The following NCKIPSD variants were observed in gnomAD, a reference collection of about 807,000 sequenced individuals.
NCKIPSD encodes NCK interacting protein with SH3 domain.
In NCKIPSD, 48 loss-of-function variants were observed where a neutral mutation model predicts 73.4. The ratio of observed to expected loss-of-function variants is 0.65; its 90% CI spans 0.52 to 0.83. The LOEUF is 0.83. Among genes scored for constraint, NCKIPSD ranks in the 40% least tolerant of loss-of-function variants. NCKIPSD has a pLI of 0.00. For synonymous variants in NCKIPSD, 422 were observed against 403.6 expected (o/e 1.05, Z -0.54); for missense variants, 884 against 970.2 (o/e 0.91, Z 1.18).
At chr3:48,678,201 T>C (rs574729540) in intron 12 of NCKIPSD, among the ~76,000 whole-genome samples, 30 of 152,244 alleles carry the variant, frequency 2.0e-4, no homozygotes, top group African/African-American at 6.5e-4. Context: ...TGAGGCTGCT[T>C]CCTCCCTGGC....
chr3:48,682,723 G>A, intron 2 of NCKIPSD, 171 bp from the exon 3 acceptor site: 1 of 1,117,308 alleles, frequency 9.0e-7, no homozygotes, highest in South Asian at 1.5e-5. Flanking sequence ...CCTGCGCTCT[G>A]CACACCCCTG....
In NCKIPSD at chr3:48,681,713, G is replaced by A; in HGVS notation, c.666C>T (p.Ser222=). Residue 222 remains serine, a synonymous_variant, in exon 5 of 13, where the codon TCC becomes TCT. Coordinates refer to ENST00000294129, the MANE Select transcript of NCKIPSD (RefSeq NM_016453.4). Reference sequence around the variant, plus strand: ...TGGAGCTGGTATAGAGCGTGTCCAGGGAGGTGCTGCTGACTGAGGAGCCGC... The same window carrying A: ...TGGAGCTGGTATAGAGCGTGTCCAGAGAGGTGCTGCTGACTGAGGAGCCGC... ...VSSGSSVSST[S]LDTLYTSSSP... is the part of the protein sequence containing the mutation. 1 of 1,557,334 alleles carries A rather than the reference G, an allele frequency of 6.4e-7. No individual in the cohort carries two copies. Among genetic ancestry groups the A allele is most frequent in the Non-Finnish European group, 8.7e-7 (1 of 1,152,190 alleles).
In NCKIPSD at chr3:48,685,794, A is replaced by T; in HGVS notation, c.14T>A (p.Leu5Gln). 6.6e-7 allele frequency: 1 copy of T among 1,515,598 alleles called. No homozygotes were observed. The highest frequency in any genetic ancestry group is 2.6e-5 in the East Asian group (1 of 38,420). 93.9% of individuals were successfully genotyped at this position (1,515,598 alleles called of 1,614,324 possible). Reference protein sequence around the residue: MYRALYAFRSAEPNA... With the variant: MYRAQYAFRSAEPNA... ...GGGCTCCGCCGAGCGGAACGCGTACAGCGCGCGGTACATGAGGCCGGGCAG... is the reference window on the plus strand; with the variant it reads ...GGGCTCCGCCGAGCGGAACGCGTACTGCGCGCGGTACATGAGGCCGGGCAG... The change falls in exon 1 of 13, where the codon CTG (leucine) becomes CAG (glutamine). Residue 5 changes from leucine (L) to glutamine (Q), a missense_variant. Transcript: ENST00000294129.
At position 48,679,456 on chromosome 3, in the gene NCKIPSD, G is replaced by T; in HGVS notation, c.1491C>A (p.Asp497Glu). ...GGGCAGAGTAACAGAGTTTCTGGTG[G>T]TCTGGGGGGGACAAGGCAGGCAGTC... is the stretch of plus-strand genomic sequence containing the variant. ...LARDMQTDTQ[D>E]HQKLCYSALI... The change falls in exon 9 of 13, where the codon GAC becomes GAA. Residue 497 changes from aspartate to glutamate, a missense_variant and splice_region_variant. Transcript: ENST00000294129. 6.2e-7 allele frequency: 1 copy of T among 1,611,840 alleles called. No homozygotes were observed. Among genetic ancestry groups the T allele is most frequent in the Non-Finnish European group, 8.5e-7 (1 of 1,178,500 alleles).
intron 4 of NCKIPSD, 107 bp downstream of exon 4, chr3:48,681,938 C>G: frequency 1.3e-6 from 2 of 1,481,602 alleles, no homozygotes; most frequent in Non-Finnish European, 1.8e-6. Context: ...AAATGGGAGT[C>G]CTGTCCTCTT....
Position 48,673,895 on chromosome 3 carries a change from A to G in NCKIPSD, c.*649T>C. Reference sequence around the variant, plus strand: ...AAAGGAGAGCTACAGCACATAGGAAAATACACATGGCTTTTCAGTCTACAT... The same window carrying G: ...AAAGGAGAGCTACAGCACATAGGAAGATACACATGGCTTTTCAGTCTACAT... On this transcript the variant is annotated 3_prime_UTR_variant, in exon 13 of 13. Transcript: ENST00000294129. The G allele has an allele frequency of 9.5e-7, 1 of 1,056,658 alleles. No individual in the cohort carries two copies. The highest frequency in any genetic ancestry group is 1.1e-6 in the Non-Finnish European group (1 of 873,686). The allele number at this position is 1,056,658 out of a possible 1,614,324, so 65.5% of individuals were successfully genotyped here.
In NCKIPSD at chr3:48,685,813, C is replaced by CG; in HGVS notation, c.-7dup. 6.8e-7 allele frequency: 1 copy of CG among 1,475,386 alleles called. No individual in the cohort carries two copies. The highest frequency in any genetic ancestry group is 8.9e-7 in the Non-Finnish European group (1 of 1,122,610). The allele number at this position is 1,475,386 out of a possible 1,614,324, so 91.4% of individuals were successfully genotyped here. On this transcript the variant is annotated 5_prime_UTR_variant, in exon 1 of 13. Coordinates refer to ENST00000294129, the MANE Select transcript of NCKIPSD (RefSeq NM_016453.4). ...GCGTACAGCGCGCGGTACATGAGGC[C>CG]GGGCAGGGCAGGTGCAGGGAAGGTG...
At chr3:48,682,864 C>G in intron 2 of NCKIPSD, 39 bp downstream of exon 2, 1 of 1,530,936 alleles carries the variant, frequency 6.5e-7, no homozygotes, top group South Asian at 1.2e-5. Flanking sequence ...CCCCACCATG[C>G]TCACCGGGAG....
Position 48,679,136 on chromosome 3 carries a change from C to A in NCKIPSD, c.1618G>T (p.Asp540Tyr). The change falls in exon 10 of 13, where the codon GAT becomes TAT. Residue 540 changes from aspartate (D) to tyrosine (Y), a missense_variant. Transcript: ENST00000294129. Reference sequence around the variant, plus strand: ...TCTGTGGTGTCCAAGGGCAGCCCATCCTCGACGATGTTCAGTAGGAACTGG... The same window carrying A: ...TCTGTGGTGTCCAAGGGCAGCCCATACTCGACGATGTTCAGTAGGAACTGG... ...FAQFLLNIVE[D>Y]GLPLDTTEQL... 6.2e-7 allele frequency: 1 copy of A among 1,614,142 alleles called. No homozygotes were observed. The highest frequency in any genetic ancestry group is 8.5e-7 in the Non-Finnish European group (1 of 1,180,020).
At position 48,678,499 on chromosome 3, in the gene NCKIPSD, GC is replaced by G; in HGVS notation, c.1965+64del. 1.1e-5 allele frequency: 16 copies of G among 1,514,344 alleles called. 1 individual carries two copies. In the South Asian group the frequency reaches 2.1e-4, roughly 20 times the overall value. The allele number at this position is 1,514,344 out of a possible 1,614,324, so 93.8% of individuals were successfully genotyped here. ...CCCCCTCATCTCCACTCAATGTCAT[GC>G]CCCCCACCATTTTGTTTCAGTTTCC... On this transcript the variant is annotated intron_variant, in intron 12 of 12. Transcript: ENST00000294129.
Position 48,678,726 on chromosome 3 carries a change from C to T in NCKIPSD, c.1803G>A (p.Val601=), listed in dbSNP as rs1464048704. ...GCTGTGGCTCATGTTTGAAGATGCG[C>T]ACAGGGTCATCTAGGAGGCAGGGGT... ...LLLLNRGDDP[V]RIFKHEPQPP... is the part of the protein sequence containing the mutation. The change falls in exon 12 of 13, where the codon GTG becomes GTA. Residue 601 remains valine (V), a synonymous_variant. Coordinates refer to ENST00000294129, the MANE Select transcript of NCKIPSD (RefSeq NM_016453.4). The T allele has an allele frequency of 5.6e-6, 9 of 1,613,280 alleles. No individual in the cohort carries two copies. The highest frequency in any genetic ancestry group is 7.6e-6 in the Non-Finnish European group (9 of 1,179,642).
Position 48,678,979 on chromosome 3 carries a change from G to A in NCKIPSD, c.1700-10C>T. The A allele has an allele frequency of 6.2e-7, 1 of 1,614,126 alleles. No homozygotes were observed. Among genetic ancestry groups the A allele is most frequent in the Admixed American group, 1.7e-5 (1 of 60,018 alleles). On this transcript the variant is annotated splice_polypyrimidine_tract_variant and intron_variant, in intron 10 of 12. Coordinates refer to ENST00000294129, the MANE Select transcript of NCKIPSD (RefSeq NM_016453.4). ...ACATTCTGGTCAGCAGCTAAGGAAG[G>A]ACATGGGTATAGACAGGGTGCTGAG... is the stretch of plus-strand genomic sequence containing the variant.
At chr3:48,675,530 T>TG (rs1559489997) in intron 12 of NCKIPSD, among the ~76,000 whole-genome samples, 4 of 137,208 alleles carry the variant, frequency 2.9e-5, no homozygotes, top group Admixed American at 7.3e-5. Flanking sequence ...ATATATATGA[T>TG]ATATATATAT....
Position 48,682,216 on chromosome 3 carries a change from C to A in NCKIPSD, c.487-60G>T, listed in dbSNP as rs545348956. 1.9e-5 allele frequency: 30 copies of A among 1,566,550 alleles called. No individual in the cohort carries two copies. In the South Asian group the frequency reaches 3.3e-4, roughly 17 times the overall value. ...TGACATCTAGAGCGTCAGCGAGGCT[C>A]GGGCCCTGAGCCCTGGCTGTGGGCA... is the stretch of plus-strand genomic sequence containing the variant. On this transcript the variant is annotated intron_variant, in intron 3 of 12. Transcript: ENST00000294129.
rs2077316231 is a variant in NCKIPSD, at chr3:48,679,678, C to T, written c.1386G>A (p.Lys462=). 2 of 1,614,104 alleles carry T rather than the reference C, an allele frequency of 1.2e-6. No individual in the cohort carries two copies. Among genetic ancestry groups the T allele is most frequent in the Non-Finnish European group, 1.7e-6 (2 of 1,180,046 alleles). The part of the protein sequence containing the change: ...HRASLRLLLL[K]CFGAMCSLDA... The stretch of plus-strand genomic sequence containing the variant: ...CCAGGCTGCACATGGCGCCAAAGCA[C>T]TTGAGGAGCAGCAGCCGCAGTGATG... Residue 462 remains lysine (K), a synonymous_variant, in exon 8 of 13, where the codon AAG becomes AAA. Transcript: ENST00000294129.
At position 48,674,208 on chromosome 3, in the gene NCKIPSD, T is replaced by C. The variant is rs953965121; in HGVS notation, c.*336A>G. On this transcript the variant is annotated 3_prime_UTR_variant, in exon 13 of 13. Transcript: ENST00000294129. ...GGCCCAGGATACAGACCAGGAGGGG[T>C]GGGGATGGGGGTCTGGTCCAGCCTG... is the stretch of plus-strand genomic sequence containing the variant. 8.2e-7 allele frequency: 1 copy of C among 1,215,258 alleles called. No homozygotes were observed. Among genetic ancestry groups the C allele is most frequent in the Non-Finnish European group, 1.0e-6 (1 of 966,454 alleles). The allele number at this position is 1,215,258 out of a possible 1,614,324, so 75.3% of individuals were successfully genotyped here.
rs371383008 is a variant in NCKIPSD at position 48,679,142 on chromosome 3, C to T, written c.1612G>A (p.Val538Ile). 4.5e-5 allele frequency: 72 copies of T among 1,613,996 alleles called. No homozygotes were observed. Among genetic ancestry groups the T allele is most frequent in the Non-Finnish European group, 5.5e-5 (65 of 1,180,022 alleles). Residue 538 changes from valine to isoleucine, a missense_variant, in exon 10 of 13, where the codon GTC becomes ATC. By Grantham distance (29) the Val-to-Ile change is conservative. Transcript: ENST00000294129. Reference sequence around the variant, plus strand: ...GTGTCCAAGGGCAGCCCATCCTCGACGATGTTCAGTAGGAACTGGGCGAAA... The same window carrying T: ...GTGTCCAAGGGCAGCCCATCCTCGATGATGTTCAGTAGGAACTGGGCGAAA... The part of the protein sequence containing the change: ...TPFAQFLLNI[V>I]EDGLPLDTTE...
At position 48,685,673 on chromosome 3, in the gene NCKIPSD, C is replaced by G. The variant is rs1224815991; in HGVS notation, c.135G>C (p.Thr45=). The G allele has an allele frequency of 6.6e-7, 1 of 1,525,640 alleles. No homozygotes were observed. The highest frequency in any genetic ancestry group is 2.0e-5 in the Admixed American group (1 of 50,406). 94.5% of individuals were successfully genotyped at this position (1,525,640 alleles called of 1,614,324 possible). Residue 45 remains threonine (T), a synonymous_variant, in exon 1 of 13, where the codon ACG becomes ACC. Transcript: ENST00000294129. ...WLAARARSGE[T]GYVPPAYLRR... ...GCAGGTAGGCTGGCGGCACGTAGCC[C>G]GTCTCACCACTGCGCGCCCGCGCGG...
At position 48,680,072 on chromosome 3, in the gene NCKIPSD, A is replaced by G; in HGVS notation, c.1250T>C (p.Leu417Pro). 1 of 1,611,968 alleles carries G rather than the reference A, an allele frequency of 6.2e-7. No individual in the cohort carries two copies. The highest frequency in any genetic ancestry group is 8.5e-7 in the Non-Finnish European group (1 of 1,178,378). The part of the protein sequence containing the change: ...EGVIRCYLEE[L>P]LHILTDADPE... ...CCCCACCCTTACCAGAATATGCAGC[A>G]GCTCCTCTAGGTAGCAGCGGATGAC... Residue 417 changes from leucine (L) to proline (P), a missense_variant, in exon 6 of 13, where the codon CTG becomes CCG. Coordinates refer to ENST00000294129, the MANE Select transcript of NCKIPSD (RefSeq NM_016453.4).
Sources: allele counts gnomAD v4.1 joint callset (sites outside exome capture counted in the v4.1 genomes callset), GRCh38; gene constraint gnomAD v4.1.1; transcripts MANE v1.5; gene names NCBI Gene and HGNC (gene_info 2026-07-23, HGNC 2026-07-21).